CTNNA3: variants seen among roughly 807,000 people sequenced by gnomAD.
CTNNA3 encodes catenin alpha-3.
A neutral mutation model predicts 95.7 loss-of-function variants in CTNNA3; 76 were observed. The observed-to-expected ratio is 0.79, with a 90% CI of 0.66 to 0.96. The LOEUF (loss-of-function observed/expected upper bound fraction) is 0.96, where lower values mean the gene tolerates loss of function less well. CTNNA3 is among the 40% of genes least tolerant of loss of function. The pLI, the probability that CTNNA3 is intolerant of heterozygous loss-of-function variation, is 0.00. For synonymous variants in CTNNA3, 431 were observed against 374.4 expected (o/e 1.15, Z -1.74); for missense variants, 1,191 against 1,089.8 (o/e 1.09, Z -1.31).
chr10:67,004,401 C>T (rs1324495984), intron 7 of CTNNA3, among the ~76,000 whole-genome samples: 1 of 152,194 alleles, frequency 6.6e-6, no homozygotes, highest in Admixed American at 6.6e-5. Flanking sequence ...ATGTATCTTG[C>T]TTCCCTGTTA....
chr10:66,287,588 T>A lies in CTNNA3; in HGVS notation c.1733-6967A>T, dbSNP rs146307574. 3.2e-3 allele frequency among the ~76,000 whole-genome samples: 492 copies of A among 152,130 alleles called. 1 individual carries two copies. The highest frequency in any genetic ancestry group is 5.8e-3 in the Non-Finnish European group (392 of 67,990). On this transcript the variant is annotated intron_variant, in intron 12 of 17. Coordinates refer to ENST00000433211, the MANE Select transcript of CTNNA3 (RefSeq NM_013266.4). ...ACTTAGGATAAAGAGAAGAGCTACA[T>A]CTTTAAGAGAGAAAAGATTATCAGC...
chr10:67,702,614 C>T (rs939383327), intron 1 of CTNNA3, among the ~76,000 whole-genome samples: 6 of 152,174 alleles, frequency 3.9e-5, no homozygotes, highest in African/African-American at 1.4e-4. Context: ...ATCTCTGGGA[C>T]ACATTCAAAG....
intron 5 of CTNNA3, among the ~76,000 whole-genome samples, chr10:67,272,177 C>T (rs1476537713): frequency 6.6e-6 from 1 of 152,054 alleles, no homozygotes; most frequent in African/African-American, 2.4e-5. Context: ...CTGAAGTTGC[C>T]GTAATTTCTC....
chr10:66,385,103 G>C (rs1032456517), intron 11 of CTNNA3, among the ~76,000 whole-genome samples: 1 of 152,136 alleles, frequency 6.6e-6, no homozygotes, highest in Non-Finnish European at 1.5e-5. Flanking sequence ...GAGCAGACCT[G>C]AAAGAGATAG....
chr10:66,792,988 T>C (rs1841038215), intron 7 of CTNNA3, among the ~76,000 whole-genome samples: 1 of 152,118 alleles, frequency 6.6e-6, no homozygotes, highest in African/African-American at 2.4e-5. Flanking sequence ...ATCACTTTGT[T>C]TTATAAATGT....
chr10:67,687,954 G>A (rs184758983), intron 1 of CTNNA3, among the ~76,000 whole-genome samples: 3 of 152,152 alleles, frequency 2.0e-5, no homozygotes, highest in Non-Finnish European at 2.9e-5. Context: ...CTGACCAGTA[G>A]GGAATTTGCC....
rs1564902912 is a variant in CTNNA3, at chr10:66,367,852, TAA to T, written c.1732+11298_1732+11299del. On this transcript the variant is annotated intron_variant, in intron 12 of 17. Coordinates refer to ENST00000433211, the MANE Select transcript of CTNNA3 (RefSeq NM_013266.4). ...CTGCATCTTTTTAAGGCTTCTTTTA[TAA>T]TAATAATAATAATAATAATAATAAT... Among the ~76,000 whole-genome samples, 40 of 77,232 alleles carry T rather than the reference TAA, an allele frequency of 5.2e-4. 1 individual carries two copies. Among genetic ancestry groups the T allele is most frequent in the South Asian group, 3.2e-3 (6 of 1,864 alleles). 50.7% of individuals were successfully genotyped at this position (77,232 alleles called of 152,430 possible). A position where few individuals can be genotyped will look rare whatever the true frequency, so the allele number is the denominator to read the frequency against.
rs192509795 is a variant in CTNNA3 at position 66,510,796 on chromosome 10, A to G, written c.1531+9821T>C. 3.7e-3 allele frequency among the ~76,000 whole-genome samples: 560 copies of G among 151,786 alleles called. 2 individuals are homozygous for G. The highest frequency in any genetic ancestry group is 5.3e-3 in the Non-Finnish European group (360 of 67,758). ...GTGCTGTTGGGTTCTATTTTCTAGTATTTGGTTGAGGGTGTTTAAATCTAT... is the reference window on the plus strand; with the variant it reads ...GTGCTGTTGGGTTCTATTTTCTAGTGTTTGGTTGAGGGTGTTTAAATCTAT... On this transcript the variant is annotated intron_variant, in intron 11 of 17. Transcript: ENST00000433211.
At chr10:66,746,615 A>G (rs746243042) in intron 9 of CTNNA3, among the ~76,000 whole-genome samples, 2 of 152,100 alleles carry the variant, frequency 1.3e-5, no homozygotes, top group Non-Finnish European at 2.9e-5. Context: ...CCCATTCTGC[A>G]TTTGAGGAAA....
intron 10 of CTNNA3, among the ~76,000 whole-genome samples, chr10:66,526,565 A>G (rs538362696): frequency 7.9e-5 from 12 of 152,256 alleles, no homozygotes; most frequent in Admixed American, 7.2e-4. Context: ...CATATCTGCA[A>G]TGCCCAAGAG....
intron 11 of CTNNA3, among the ~76,000 whole-genome samples, chr10:66,455,177 T>G (rs1272633979): frequency 6.6e-6 from 1 of 152,170 alleles, no homozygotes. Flanking sequence ...AAAAGAATAT[T>G]GGCTTTTCTC....
In CTNNA3 at chr10:66,379,220, A is replaced by G. The variant is rs747979677; in HGVS notation, c.1664T>C (p.Met555Thr). The G allele has an allele frequency of 6.8e-6, 11 of 1,614,036 alleles. No individual in the cohort carries two copies. The highest frequency in any genetic ancestry group is 9.3e-6 in the Non-Finnish European group (11 of 1,179,988). ...GTAAGCCCCTGGCTCGTAACTGTCC[A>G]TTTCACCCGTGACGATGTGAGCAAC... is the stretch of plus-strand genomic sequence containing the variant. ...ARVAHIVTGE[M>T]DSYEPGAYTE... Residue 555 changes from methionine (M) to threonine (T), a missense_variant, in exon 12 of 18, where the codon ATG (methionine) becomes ACG (threonine). Coordinates refer to ENST00000433211, the MANE Select transcript of CTNNA3 (RefSeq NM_013266.4).
chr10:67,702,853 GATC>G (rs1049472306), intron 1 of CTNNA3, among the ~76,000 whole-genome samples: 1 of 152,016 alleles, frequency 6.6e-6, no homozygotes, highest in African/African-American at 2.4e-5. Context: ...TTTTTGAAAA[GATC>G]AACAAAACTG....
chr10:67,237,393 G>A (rs1160269917), intron 5 of CTNNA3, among the ~76,000 whole-genome samples: 4 of 151,070 alleles, frequency 2.6e-5, no homozygotes, highest in Non-Finnish European at 5.9e-5. Flanking sequence ...GGGAGGTGTG[G>A]AATTGGGGGA....
At chr10:67,605,499 G>T (rs12413829) in intron 3 of CTNNA3, among the ~76,000 whole-genome samples, 39,251 of 152,004 alleles carry the variant, frequency 0.26, 8,583 homozygotes, top group African/African-American at 0.6. Flanking sequence ...TTTTACTAAA[G>T]GAGTAGATTT....
rs74881227 is a variant in CTNNA3, at chr10:66,157,503, A to G, written c.1885-54254T>C. The stretch of plus-strand genomic sequence containing the variant: ...GATAGATAGATATGTAGATAGATAG[A>G]TAGATAGATAGATAGATAGATAGAT... On this transcript the variant is annotated intron_variant, in intron 13 of 17. Coordinates refer to ENST00000433211, the MANE Select transcript of CTNNA3 (RefSeq NM_013266.4). 8.9e-3 allele frequency among the ~76,000 whole-genome samples: 456 copies of G among 51,032 alleles called. 4 individuals carry two copies. The highest frequency in any genetic ancestry group is 0.025 in the African/African-American group (439 of 17,474). 33.5% of individuals were successfully genotyped at this position (51,032 alleles called of 152,430 possible).
chr10:66,223,051 T>G (rs1032427794), intron 13 of CTNNA3, among the ~76,000 whole-genome samples: 1 of 152,072 alleles, frequency 6.6e-6, no homozygotes, highest in Non-Finnish European at 1.5e-5. Context: ...AGCTCTAAGA[T>G]ACAAAAACCA....
chr10:66,719,139 T>C (rs1032673214), intron 9 of CTNNA3, among the ~76,000 whole-genome samples: 2 of 152,178 alleles, frequency 1.3e-5, no homozygotes, highest in Non-Finnish European at 2.9e-5. Context: ...CTTACGAACT[T>C]TGTTTTTCCT....
intron 13 of CTNNA3, among the ~76,000 whole-genome samples, chr10:66,153,720 T>C (rs1259149638): frequency 1.3e-5 from 2 of 151,848 alleles, no homozygotes; most frequent in Non-Finnish European, 2.9e-5. Flanking sequence ...TGTTAGTTAT[T>C]TGCAGTCCAC....
Sources: gnomAD v4.1 joint callset for allele counts (sites outside exome capture counted in the v4.1 genomes callset) on GRCh38, gnomAD v4.1.1 for gene constraint, MANE v1.5 for transcripts, NCBI Gene and HGNC (gene_info 2026-07-23, HGNC 2026-07-21) for gene names.